SHC3: variants seen among roughly 807,000 people sequenced by gnomAD.
SHC3 encodes SHC-transforming protein 3.
A neutral mutation model predicts 60.4 loss-of-function variants in SHC3; 15 were observed. The observed-to-expected ratio is 0.25, with a 90% CI of 0.17 to 0.38. SHC3 has a LOEUF of 0.38. SHC3 is among the 10% of genes least tolerant of loss of function. The probability of loss-of-function intolerance (pLI) is 1.00; values close to 1 mark genes in which losing one functional copy is unlikely to be tolerated. For synonymous variants in SHC3, 294 were observed against 325.9 expected (o/e 0.90, Z 1.05); for missense variants, 677 against 786.1 (o/e 0.86, Z 1.66).
At chr9:89,176,981 T>C (rs982904872) in intron 1 of SHC3, among the ~76,000 whole-genome samples, 1 of 152,234 alleles carries the variant, frequency 6.6e-6, no homozygotes, top group African/African-American at 2.4e-5. Flanking sequence ...TTTCTCAGTG[T>C]TATTGAGGAC....
chr9:89,067,026 G>A lies in SHC3; in HGVS notation c.784-1446C>T, dbSNP rs142487026. 6.6e-3 allele frequency among the ~76,000 whole-genome samples: 1,011 copies of A among 152,262 alleles called. 8 individuals carry two copies. The highest frequency in any genetic ancestry group is 0.023 in the African/African-American group (957 of 41,544). On this transcript the variant is annotated intron_variant, in intron 5 of 11. Transcript: ENST00000375835. Reference sequence around the variant, plus strand: ...CTTGAGACAATGGTGCTGCTTCCCCGGTCATTCTGCAGGGCGTGGCTCAGC... The same window carrying A: ...CTTGAGACAATGGTGCTGCTTCCCCAGTCATTCTGCAGGGCGTGGCTCAGC...
chr9:89,037,622 TC>T lies in SHC3; in HGVS notation c.1656+370del, dbSNP rs1175911122. The T allele has an allele frequency of 1.6e-5, 11 of 685,662 alleles. No homozygotes were observed. The African/African-American group carries it at 1.8e-4, about 11-fold the overall frequency. 42.5% of individuals were successfully genotyped at this position (685,662 alleles called of 1,614,324 possible). A position where few individuals can be genotyped will look rare whatever the true frequency, so the allele number is the denominator to read the frequency against. ...ACAAAATCCTCAGTGATTCAACTTT[TC>T]GAGATAAGCATTCAAGATAAATATT... On this transcript the variant is annotated intron_variant, in intron 11 of 11. Coordinates refer to ENST00000375835, the MANE Select transcript of SHC3 (RefSeq NM_016848.6).
chr9:89,017,708 G>A (rs1306333767), intron 11 of SHC3, among the ~76,000 whole-genome samples: 1 of 152,006 alleles, frequency 6.6e-6, no homozygotes, highest in East Asian at 1.9e-4. Flanking sequence ...GAGTGAACAG[G>A]CAACCTACAG....
intron 6 of SHC3, among the ~76,000 whole-genome samples, chr9:89,057,265 T>A (rs2117945784): frequency 6.6e-6 from 1 of 152,262 alleles, no homozygotes; most frequent in East Asian, 1.9e-4. Context: ...AACCTTAGTT[T>A]GTTTATTCAA....
At chr9:89,037,907 G>A in intron 11 of SHC3, 86 bp downstream of exon 11, 1 of 1,504,712 alleles carries the variant, frequency 6.6e-7, no homozygotes, top group Non-Finnish European at 8.9e-7. Flanking sequence ...AGGTGGGAAT[G>A]TGGAGGGCAT....
chr9:89,162,797 T>C (rs1412574819), intron 1 of SHC3, among the ~76,000 whole-genome samples: 1 of 147,634 alleles, frequency 6.8e-6, no homozygotes, highest in East Asian at 2.0e-4. Flanking sequence ...ACCATCAGAG[T>C]GAACAGGCAA....
chr9:89,085,875 G>A (rs77084575), intron 2 of SHC3, among the ~76,000 whole-genome samples: 13,820 of 152,204 alleles, frequency 0.091, 706 homozygotes, highest in Admixed American at 0.13. Context: ...GCAGCCACAC[G>A]AGTTCCTTCC....
intron 11 of SHC3, among the ~76,000 whole-genome samples, chr9:89,022,706 C>T (rs927446796): frequency 6.6e-6 from 1 of 152,158 alleles, no homozygotes; most frequent in Non-Finnish European, 1.5e-5. Context: ...TATAGCAACA[C>T]CTCCTTATGA....
intron 3 of SHC3, among the ~76,000 whole-genome samples, chr9:89,076,436 T>C (rs1184045646): frequency 6.6e-6 from 1 of 152,198 alleles, no homozygotes; most frequent in Non-Finnish European, 1.5e-5. Context: ...TCAGGGCAGA[T>C]TCAGAGGTTC....
At chr9:89,125,588 G>C (rs544640313) in intron 1 of SHC3, among the ~76,000 whole-genome samples, 3 of 152,186 alleles carry the variant, frequency 2.0e-5, no homozygotes, top group African/African-American at 7.2e-5. Flanking sequence ...TTAGTCACAG[G>C]ATGAGATAGG....
rs188886677 is a variant in SHC3, at chr9:89,038,059, G to A, written c.1590C>T (p.Ser530=). The A allele has an allele frequency of 2.5e-5, 41 of 1,613,970 alleles. No homozygotes were observed. In the South Asian group the frequency reaches 4.2e-4, roughly 16 times the overall value. The change falls in exon 11 of 12, where the codon TCC becomes TCT. Residue 530 remains serine, a synonymous_variant. Transcript: ENST00000375835. ...LVRKSTTNPG[S]FVLTGMHNGQ... is the part of the protein sequence containing the mutation. ...CATTGTGCATGCCCGTGAGGACAAA[G>A]GAGCCCGGGTTGGTGGTGCTCTTCC...
chr9:89,076,105 G>A (rs376193532), intron 3 of SHC3, among the ~76,000 whole-genome samples: 3 of 152,206 alleles, frequency 2.0e-5, no homozygotes, highest in Admixed American at 1.3e-4. Flanking sequence ...GCCAAGAAAC[G>A]GGCATCGTTT....
At chr9:89,036,166 T>G (rs2117865556) in intron 11 of SHC3, among the ~76,000 whole-genome samples, 1 of 152,048 alleles carries the variant, frequency 6.6e-6, no homozygotes, top group East Asian at 1.9e-4. Context: ...AGAATACATG[T>G]GAAAATTCTG....
intron 2 of SHC3, among the ~76,000 whole-genome samples, chr9:89,095,742 C>T (rs1019895361): frequency 6.6e-6 from 1 of 152,172 alleles, no homozygotes; most frequent in African/African-American, 2.4e-5. Flanking sequence ...ACACCCCCAC[C>T]TCCAGGGCAG....
At chr9:89,059,755 G>C (rs1345371366) in intron 6 of SHC3, among the ~76,000 whole-genome samples, 1 of 59,812 alleles carries the variant, frequency 1.7e-5, no homozygotes. Context: ...GGTGGAGGAT[G>C]GTGGTGGAGG....
chr9:89,154,175 C>T (rs1826588359), intron 1 of SHC3, among the ~76,000 whole-genome samples: 1 of 152,022 alleles, frequency 6.6e-6, no homozygotes, highest in African/African-American at 2.4e-5. Flanking sequence ...TTTCTTAAAA[C>T]ATTATGAGAT....
intron 1 of SHC3, among the ~76,000 whole-genome samples, chr9:89,155,953 G>T (rs565859035): frequency 9.2e-5 from 14 of 152,158 alleles, no homozygotes; most frequent in African/African-American, 2.9e-4. Context: ...TATTTTTGTG[G>T]TTTCTTCCAG....
At chr9:89,095,423 C>A (rs7037454) in intron 2 of SHC3, among the ~76,000 whole-genome samples, 35,364 of 151,972 alleles carry the variant, frequency 0.23, 4,473 homozygotes, top group African/African-American at 0.32. Flanking sequence ...AGAGACAGAA[C>A]GCAGAGTGGG....
chr9:89,123,734 A>G (rs1403090584), intron 1 of SHC3, among the ~76,000 whole-genome samples: 4 of 152,204 alleles, frequency 2.6e-5, no homozygotes, highest in African/African-American at 9.6e-5. Flanking sequence ...AGAGGAATTT[A>G]TAAGAATTCA....
Sources: allele counts gnomAD v4.1 joint callset (sites outside exome capture counted in the v4.1 genomes callset), GRCh38; gene constraint gnomAD v4.1.1; transcripts MANE v1.5; gene names NCBI Gene and HGNC (gene_info 2026-07-23, HGNC 2026-07-21).